PECAM1: variants seen among roughly 807,000 people sequenced by gnomAD.
PECAM1 encodes platelet endothelial cell adhesion molecule.
PECAM1 carries 8 observed loss-of-function variants against 13.8 expected under a neutral mutation model. The observed-to-expected ratio is 0.58, with a 90% CI of 0.34 to 1.05. The LOEUF (loss-of-function observed/expected upper bound fraction) is 1.05. PECAM1 is among the 50% of genes least tolerant of loss of function. The pLI is 0.03. For synonymous variants in PECAM1, 136 were observed against 52.6 expected (o/e 2.58, Z -6.86); for missense variants, 304 against 141.2 (o/e 2.15, Z -5.84).
At chr17:64,357,657 G>C (rs1298265676) in intron 7 of PECAM1, among the ~76,000 whole-genome samples, 2 of 152,148 alleles carry the variant, frequency 1.3e-5, no homozygotes, top group South Asian at 2.1e-4. Flanking sequence ...CCCACCAGCT[G>C]TCTGCCCTAA....
At chr17:64,388,182 G>A (rs964010642) in intron 2 of PECAM1, among the ~76,000 whole-genome samples, 2 of 152,160 alleles carry the variant, frequency 1.3e-5, no homozygotes, top group Admixed American at 1.3e-4. Context: ...CTTCCATGTG[G>A]TGTGGAGGGG....
At chr17:64,334,826 G>A (rs1349149241) in intron 14 of PECAM1, among the ~76,000 whole-genome samples, 1 of 152,032 alleles carries the variant, frequency 6.6e-6, no homozygotes, top group East Asian at 1.9e-4. Flanking sequence ...CTGTTTTATT[G>A]GGGGTCACTC....
chr17:64,349,086 G>A (rs2035651931), intron 12 of PECAM1, among the ~76,000 whole-genome samples: 1 of 152,194 alleles, frequency 6.6e-6, no homozygotes, highest in Non-Finnish European at 1.5e-5. Flanking sequence ...AGACTGAGAG[G>A]ATTTCGGGAA....
chr17:64,355,975 G>C, intron 8 of PECAM1, 136 bp downstream of exon 8: 1 of 440,264 alleles, frequency 2.3e-6, no homozygotes. Flanking sequence ...GCAACCAAGA[G>C]CCTGGAGGAC....
chr17:64,383,592 T>G (rs2036529291), intron 2 of PECAM1, among the ~76,000 whole-genome samples: 1 of 152,240 alleles, frequency 6.6e-6, no homozygotes, highest in Non-Finnish European at 1.5e-5. Context: ...GAGCTCATTC[T>G]GCACTCCACA....
chr17:64,347,718 TA>T (rs2035612252), intron 13 of PECAM1, among the ~76,000 whole-genome samples: 17 of 141,602 alleles, frequency 1.2e-4, no homozygotes, highest in African/African-American at 3.8e-4. Flanking sequence ...TTATATATAT[TA>T]TATATTTTAT....
At chr17:64,349,741 C>T (rs1184780028) in intron 12 of PECAM1, among the ~76,000 whole-genome samples, 5 of 150,822 alleles carry the variant, frequency 3.3e-5, no homozygotes, top group East Asian at 2.0e-4. Flanking sequence ...AAAAATTAGC[C>T]GGGCGTGGTG....
intron 10 of PECAM1, among the ~76,000 whole-genome samples, 185 bp downstream of exon 10, chr17:64,353,304 GGT>G (rs1463689656): frequency 0.044 from 6,359 of 144,132 alleles, 156 homozygotes; most frequent in African/African-American, 0.075. Context: ...CTTCCACGGA[GGT>G]ACACACACAC....
At chr17:64,389,544 G>A (rs2036670838) in intron 2 of PECAM1, among the ~76,000 whole-genome samples, 1 of 152,062 alleles carries the variant, frequency 6.6e-6, no homozygotes, top group South Asian at 2.1e-4. Context: ...TCATTTAGGA[G>A]TAAAAAAAGT....
intron 3 of PECAM1, among the ~76,000 whole-genome samples, chr17:64,376,481 T>G (rs918134609): frequency 2.0e-5 from 3 of 152,220 alleles, no homozygotes; most frequent in Non-Finnish European, 4.4e-5. Flanking sequence ...TCACTGTGAT[T>G]GTTGTTACCC....
At chr17:64,388,382 G>C (rs963821384) in intron 2 of PECAM1, among the ~76,000 whole-genome samples, 4 of 152,124 alleles carry the variant, frequency 2.6e-5, no homozygotes, top group Non-Finnish European at 5.9e-5. Context: ...GGCTAGGACC[G>C]TGTAGTAAAC....
Position 64,390,773 on chromosome 17 carries a change from G to C in PECAM1, c.-108C>G, listed in dbSNP as rs962277024. On this transcript the variant is annotated 5_prime_UTR_variant, in exon 1 of 16. Transcript: ENST00000563924. ...CGTTGAGAAACCCGCCCTGTGAAAA[G>C]CAGAAATTGCTCTGGTCACTTCTCC... The C allele has an allele frequency of 2.5e-6, 1 of 400,844 alleles. No homozygotes were observed. The highest frequency in any genetic ancestry group is 4.4e-5 in the Admixed American group (1 of 22,726). 24.8% of individuals were successfully genotyped at this position (400,844 alleles called of 1,614,324 possible). A position where few individuals can be genotyped will look rare whatever the true frequency, so the allele number is the denominator to read the frequency against.
At chr17:64,369,286 A>G (rs980995688) in intron 5 of PECAM1, among the ~76,000 whole-genome samples, 1 of 152,110 alleles carries the variant, frequency 6.6e-6, no homozygotes, top group African/African-American at 2.4e-5. Flanking sequence ...TGGCCCTGTC[A>G]TAGGACCCAC....
chr17:64,371,831 A>AAAAT (rs1230167492), intron 4 of PECAM1, among the ~76,000 whole-genome samples: 4 of 152,168 alleles, frequency 2.6e-5, no homozygotes, highest in Non-Finnish European at 4.4e-5. Flanking sequence ...CTCCATCTCA[A>AAAAT]AAATAAATAA....
chr17:64,356,688 TG>T (rs2035854963), intron 7 of PECAM1, among the ~76,000 whole-genome samples: 1 of 152,044 alleles, frequency 6.6e-6, no homozygotes, highest in Non-Finnish European at 1.5e-5. Context: ...GACGGGGTTT[TG>T]CCCTGTTGGC....
At chr17:64,358,577 A>G (rs6504223) in intron 7 of PECAM1, among the ~76,000 whole-genome samples, 121,094 of 151,998 alleles carry the variant, frequency 0.8, 54,370 homozygotes, top group East Asian at 1. Context: ...ATGAAGTCTG[A>G]CATACCCTAA....
intron 6 of PECAM1, among the ~76,000 whole-genome samples, chr17:64,361,753 CAAAAA>C (rs61144320): frequency 1.5e-5 from 1 of 68,136 alleles, no homozygotes; most frequent in Non-Finnish European, 2.5e-5. Flanking sequence ...AACTCCATCT[CAAAAA>C]AAAAAAAAAA....
intron 14 of PECAM1, among the ~76,000 whole-genome samples, chr17:64,330,769 C>G (rs188255536): frequency 6.7e-6 from 1 of 149,608 alleles, no homozygotes; most frequent in Admixed American, 6.7e-5. Context: ...TTTTCCTAGT[C>G]ATTTTCCACT....
At chr17:64,371,458 G>A (rs1341010093) in intron 4 of PECAM1, among the ~76,000 whole-genome samples, 2 of 151,836 alleles carry the variant, frequency 1.3e-5, no homozygotes, top group Non-Finnish European at 2.9e-5. Context: ...AACTGCCTGA[G>A]CTAAGGAGTT....
Sources: gnomAD v4.1 joint callset for allele counts (sites outside exome capture counted in the v4.1 genomes callset) on GRCh38, gnomAD v4.1.1 for gene constraint, MANE v1.5 for transcripts, NCBI Gene and HGNC (gene_info 2026-07-23, HGNC 2026-07-21) for gene names.